The following SCRIB variants were observed in gnomAD, a reference collection of about 807,000 sequenced individuals.
SCRIB encodes the protein scribble planar cell polarity protein.
SCRIB carries 72 observed loss-of-function variants against 170.0 expected under a neutral mutation model. That is an observed-to-expected ratio of 0.42 (90% CI 0.35 to 0.52). SCRIB has a LOEUF of 0.52. Ranked by LOEUF, SCRIB falls within the 20% of genes least tolerant of loss-of-function variation. SCRIB has a pLI of 0.02. For missense variants in SCRIB, 2,475 were observed against 2,338.5 expected, an observed-to-expected ratio of 1.06 and a Z score of -1.20; for synonymous variants, 1,298 against 1,044.3, an observed-to-expected ratio of 1.24 and a Z score of -4.68.
chr8:143,811,851 T>C (rs1815741198), intron 9 of SCRIB, among the ~76,000 whole-genome samples: 2 of 152,108 alleles, frequency 1.3e-5, no homozygotes, highest in Middle Eastern at 3.2e-3. Context: ...AGCCTGGGGA[T>C]GGGGATAGCA....
intron 24 of SCRIB, among the ~76,000 whole-genome samples, chr8:143,801,462 A>T (rs1472657359): frequency 1.3e-5 from 2 of 152,258 alleles, no homozygotes; most frequent in African/African-American, 4.8e-5. Context: ...TCCCAAGGAA[A>T]AAACCAGAAT....
chr8:143,795,184 A>AG, intron 26 of SCRIB, 72 bp from the exon 27 acceptor site: 1 of 1,597,014 alleles, frequency 6.3e-7, no homozygotes, highest in Admixed American at 1.7e-5. Context: ...AGGGCAGGAG[A>AG]GGGGGTCCTG....
chr8:143,791,901 T>C lies in SCRIB; in HGVS notation c.4670A>G (p.Gln1557Arg). 6.9e-7 allele frequency: 1 copy of C among 1,449,390 alleles called. No individual in the cohort carries two copies. The highest frequency in any genetic ancestry group is 9.1e-7 in the Non-Finnish European group (1 of 1,101,058). The allele number at this position is 1,449,390 out of a possible 1,614,324, so 89.8% of individuals were successfully genotyped here. The change falls in exon 34 of 37, where the codon CAG (glutamine) becomes CGG (arginine). Residue 1557 changes from glutamine (Q) to arginine (R), a missense_variant. Gln to Arg is a conservative substitution (Grantham distance 43). This residue lies in a region of SCRIB where 1,966 missense variants were observed against 1,742.9 expected (regional missense o/e 1.13). Transcript: ENST00000356994. The stretch of plus-strand genomic sequence containing the variant: ...CAGGCGTCCCGGGGAGGTGCTGGTC[T>C]GGGGGCCGAGGTCTGGGGGGACAAG... ...SPTPVEDLGP[Q>R]TSTSPGRLPL... is the part of the protein sequence containing the mutation.
In SCRIB at chr8:143,804,099, C is replaced by T. The variant is rs140972127; in HGVS notation, c.3067G>A (p.Asp1023Asn). ...PLGLSIVGGS[D>N]HSSHPFGVQE... The stretch of plus-strand genomic sequence containing the variant: ...ACACCAAACGGGTGGCTGGAATGGT[C>T]GGAGCCTCCGACAATACTAAGCCCC... The change falls in exon 22 of 37, where the codon GAC becomes AAC. Residue 1023 changes from aspartate (D) to asparagine (N), a missense_variant. Physicochemically the swap from Asp to Asn is conservative, Grantham distance 23. Transcript: ENST00000356994. The T allele has an allele frequency of 3.2e-4, 513 of 1,612,800 alleles. 4 individuals are homozygous for T. In the East Asian group the frequency reaches 0.011, roughly 34 times the overall value.
rs1231390183 is a variant in SCRIB at position 143,803,393 on chromosome 8, G to C, written c.3593C>G (p.Ala1198Gly). 23 of 1,578,224 alleles carry C rather than the reference G, an allele frequency of 1.5e-5. No homozygotes were observed. The African/African-American group carries it at 2.8e-4, about 19-fold the overall frequency. Residue 1198 changes from alanine (A) to glycine (G), a missense_variant, in exon 24 of 37, where the codon GCA (alanine) becomes GGA (glycine). Ala to Gly is a moderately conservative substitution (Grantham distance 60). This residue lies in a region of SCRIB where 1,966 missense variants were observed against 1,742.9 expected (regional missense o/e 1.13). Transcript: ENST00000356994. Reference sequence around the variant, plus strand: ...GGCGGGATCGCTAACCTCCAGGGCTGCGTCGGTGCTGGCCTCAAAGCCGTC... The same window carrying C: ...GGCGGGATCGCTAACCTCCAGGGCTCCGTCGGTGCTGGCCTCAAAGCCGTC... ...VCDGFEASTD[A>G]ALEVSPGVIA...
chr8:143,804,510 A>C (rs1554635857), intron 21 of SCRIB, 58 bp downstream of exon 21: 2 of 1,465,558 alleles, frequency 1.4e-6, no homozygotes, highest in Admixed American at 2.4e-5. Flanking sequence ...AGGTCCTGGG[A>C]AGGCCAGTGC....
intron 1 of SCRIB, chr8:143,814,911 T>G (rs1475531534): frequency 2.5e-6 from 1 of 405,352 alleles, no homozygotes; most frequent in Non-Finnish European, 4.4e-6. Flanking sequence ...ATCAGCCACC[T>G]GAATCCAAGT....
In SCRIB at chr8:143,795,114, TG is replaced by T. The variant is rs781969362; in HGVS notation, c.3772-3del. The T allele has an allele frequency of 6.8e-6, 11 of 1,610,728 alleles. No homozygotes were observed. Among genetic ancestry groups the T allele is most frequent in the South Asian group, 6.6e-5 (6 of 90,890 alleles). On this transcript the variant is annotated splice_region_variant and splice_polypyrimidine_tract_variant and intron_variant, in intron 26 of 36. Transcript: ENST00000356994. ...CTTCAGGGGCTGCAGACCCCGACCC[TG>T]GGGGCAGAGTGAACACAGCACTAGC...
rs150364589 is a variant in SCRIB, at chr8:143,792,822, G to A, written c.4063C>T (p.Arg1355Trp). 2.2e-5 allele frequency: 34 copies of A among 1,550,978 alleles called. No homozygotes were observed. The highest frequency in any genetic ancestry group is 1.1e-4 in the African/African-American group (8 of 73,664). ...PAASPEQLSFRERQKYFELEV... is the reference protein window; with the variant it reads ...PAASPEQLSFWERQKYFELEV... ...AGCTCAAAGTACTTCTGCCGCTCCC[G>A]GAAGGACAGCTGCTCCGGGGAGGCT... The change falls in exon 30 of 37, where the codon CGG (arginine) becomes TGG (tryptophan). Residue 1355 changes from arginine (R) to tryptophan (W), a missense_variant. By Grantham distance (101) the Arg-to-Trp change is moderately radical (BLOSUM62 -3). This residue lies in a region of SCRIB where 1,966 missense variants were observed against 1,742.9 expected (regional missense o/e 1.13). Transcript: ENST00000356994.
rs765033611 is a variant in SCRIB, at chr8:143,808,570, G to A, written c.2115+39C>T. The A allele has an allele frequency of 4.0e-5, 60 of 1,494,308 alleles. 1 individual carries two copies. The Middle Eastern group carries it at 1.1e-3, about 27-fold the overall frequency. The allele number at this position is 1,494,308 out of a possible 1,614,324, so 92.6% of individuals were successfully genotyped here. On this transcript the variant is annotated intron_variant, in intron 15 of 36. Coordinates refer to ENST00000356994, the MANE Select transcript of SCRIB (RefSeq NM_182706.5). ...CAGCCCTGGGTGCCCAGGAGGGCCA[G>A]GGGAATCTGGGTCAGGCAGGGGTGA...
At chr8:143,811,930 C>T (rs1815745781) in intron 9 of SCRIB, among the ~76,000 whole-genome samples, 1 of 152,174 alleles carries the variant, frequency 6.6e-6, no homozygotes, top group African/African-American at 2.4e-5. Flanking sequence ...GGCAGACGCC[C>T]CTGGGGAGCA....
At position 143,815,755 on chromosome 8, in the gene SCRIB, C is replaced by T. The variant is rs1816071247; in HGVS notation, c.-383G>A. On this transcript the variant is annotated 5_prime_UTR_variant, in exon 1 of 37. Coordinates refer to ENST00000356994, the MANE Select transcript of SCRIB (RefSeq NM_182706.5). ...GACACCCACCCGGCCGCCGCGCAGC[C>T]CGTCGGGAAGCCGAGTCCGGCCCTC... The T allele has an allele frequency of 2.0e-6, 2 of 984,254 alleles. No homozygotes were observed. Among genetic ancestry groups the T allele is most frequent in the Non-Finnish European group, 2.4e-6 (2 of 829,550 alleles). The allele number at this position is 984,254 out of a possible 1,614,324, so 61.0% of individuals were successfully genotyped here.
At chr8:143,806,883 A>G (rs1554636705) in intron 17 of SCRIB, 41 bp downstream of exon 17, 1 of 1,372,066 alleles carries the variant, frequency 7.3e-7, no homozygotes, top group South Asian at 1.3e-5. Flanking sequence ...GTGGTGGGGC[A>G]GGCCAGTGGC....
At chr8:143,805,570 A>C (rs1297095336) in intron 18 of SCRIB, 135 bp from the exon 19 acceptor site, 2 of 880,494 alleles carry the variant, frequency 2.3e-6, no homozygotes, top group Admixed American at 3.4e-5. Context: ...AGGCGCTGAC[A>C]TCACCCGAGA....
Position 143,809,635 on chromosome 8 carries a change from G to T in SCRIB, c.1614C>A (p.Gly538=), listed in dbSNP as rs753605555. 1 of 1,611,088 alleles carries T rather than the reference G, an allele frequency of 6.2e-7. No homozygotes were observed. The highest frequency in any genetic ancestry group is 8.5e-7 in the Non-Finnish European group (1 of 1,179,922). ...TCCCACCCTGTGCCTCAGCCGACGG[G>T]CCCTCGGGCTCAGCCTCAGAGACTG... ...ASTVSEAEPE[G]PSAEAQGGSQ... is the part of the protein sequence containing the mutation. The change falls in exon 14 of 37, where the codon GGC becomes GGA. Residue 538 remains glycine (G), a synonymous_variant. Transcript: ENST00000356994.
Position 143,804,880 on chromosome 8 carries a change from G to A in SCRIB, c.2751+54C>T, listed in dbSNP as rs1445921208. On this transcript the variant is annotated intron_variant, in intron 20 of 36. Transcript: ENST00000356994. ...CCAAGGGCAGAAGGGGACAGAGGGC[G>A]CGGGGCGGGGCAGGGGGGATGGGTG... The A allele has an allele frequency of 4.4e-5, 67 of 1,529,000 alleles. 1 individual carries two copies. In the Admixed American group the frequency reaches 5.9e-4, roughly 13 times the overall value. 94.7% of individuals were successfully genotyped at this position (1,529,000 alleles called of 1,614,324 possible). A position where few individuals can be genotyped will look rare whatever the true frequency, so the allele number is the denominator to read the frequency against.
chr8:143,803,474 C>G lies in SCRIB; in HGVS notation c.3512G>C (p.Gly1171Ala), dbSNP rs1350912128. ...ACTGCGGAGCAGCTGCACCGCCTCG[C>G]CGTGCGTCAGGCCCAGCAGGCTCTG... ...NQQSLLGLTH[G>A]EAVQLLRSVG... Residue 1171 changes from glycine (G) to alanine (A), a missense_variant, in exon 24 of 37, where the codon GGC (glycine) becomes GCC (alanine). Gly to Ala is a moderately conservative substitution (Grantham distance 60, BLOSUM62 0). Around this residue, in one of 3 missense-constraint regions of SCRIB, gnomAD observed 1,966 missense variants for 1,742.9 expected, o/e 1.13. Transcript: ENST00000356994. The G allele has an allele frequency of 5.6e-6, 9 of 1,599,922 alleles. No homozygotes were observed. The highest frequency in any genetic ancestry group is 7.6e-6 in the Non-Finnish European group (9 of 1,179,064).
At chr8:143,808,110 A>AGAGAGGATCCCAGGAGAGCCC (rs1815514136) in intron 15 of SCRIB, among the ~76,000 whole-genome samples, 1 of 151,596 alleles carries the variant, frequency 6.6e-6, no homozygotes, top group East Asian at 1.9e-4. Flanking sequence ...GCCCAACACA[A>AGAGAGGATCCCAGGAGAGCCC]GAGAGGATCC....
At position 143,793,073 on chromosome 8, in the gene SCRIB, G is replaced by C. The variant is rs781802506; in HGVS notation, c.3920C>G (p.Pro1307Arg). Residue 1307 changes from proline (P) to arginine (R), a missense_variant, in exon 29 of 37, where the codon CCG (proline) becomes CGG (arginine). Transcript: ENST00000356994. ...GGCGGGCAGCTCATCCGGAGAAGGC[G>C]GGGAGGGCGGCTGGGGGGTGGGGCT... ...CSPSGQQPPS[P>R]PSPDELPANV... The C allele has an allele frequency of 5.4e-6, 8 of 1,481,762 alleles. No homozygotes were observed. Among genetic ancestry groups the C allele is most frequent in the Non-Finnish European group, 7.2e-6 (8 of 1,114,882 alleles). The allele number at this position is 1,481,762 out of a possible 1,614,324, so 91.8% of individuals were successfully genotyped here. A position where few individuals can be genotyped will look rare whatever the true frequency, so the allele number is the denominator to read the frequency against.
Sources: gnomAD v4.1 joint callset for allele counts (sites outside exome capture counted in the v4.1 genomes callset) on GRCh38, gnomAD v4.1.1 for gene constraint, gnomAD v4.1.1 regional missense constraint, MANE v1.5 for transcripts, NCBI Gene and HGNC (gene_info 2026-07-23, HGNC 2026-07-21) for gene names.